DOK6: variants seen among roughly 807,000 people sequenced by gnomAD.
The protein encoded by DOK6 is downstream of tyrosine kinase 6.
Under a neutral mutation model 44.0 loss-of-function variants are expected in DOK6, and 22 were observed. That is an observed-to-expected ratio of 0.50 (90% CI 0.36 to 0.71). The LOEUF (loss-of-function observed/expected upper bound fraction) is 0.71. DOK6 is among the 30% of genes least tolerant of loss of function. The pLI is 0.00. For synonymous variants in DOK6, 166 were observed against 145.5 expected, an observed-to-expected ratio of 1.14 and a Z score of -1.01; for missense variants, 340 against 416.4, an observed-to-expected ratio of 0.82 and a Z score of 1.60.
intron 7 of DOK6, among the ~76,000 whole-genome samples, chr18:69,776,508 G>A (rs1471453321): frequency 6.6e-6 from 1 of 152,048 alleles, no homozygotes; most frequent in African/African-American, 2.4e-5. Context: ...TAAGTTGGTA[G>A]AGAAAATTTT....
chr18:69,693,564 T>C (rs558951569), intron 4 of DOK6, among the ~76,000 whole-genome samples: 15 of 152,220 alleles, frequency 9.9e-5, no homozygotes, highest in African/African-American at 3.6e-4. Context: ...TTAAACATAG[T>C]TTTCCATCTG....
At position 69,506,816 on chromosome 18, in the gene DOK6, A is replaced by G. The variant is rs938798870; in HGVS notation, c.67-57671A>G. Reference sequence around the variant, plus strand: ...CATTCAGTATTATAAAAACTGCTAAAGTTTTCCTAAATGATGGCAACATTT... The same window carrying G: ...CATTCAGTATTATAAAAACTGCTAAGGTTTTCCTAAATGATGGCAACATTT... On this transcript the variant is annotated intron_variant, in intron 1 of 7. Coordinates refer to ENST00000382713, the MANE Select transcript of DOK6 (RefSeq NM_152721.6). 7.2e-5 allele frequency among the ~76,000 whole-genome samples: 11 copies of G among 151,976 alleles called. 1 individual carries two copies. The highest frequency in any genetic ancestry group is 1.3e-4 in the Admixed American group (2 of 15,262).
chr18:69,685,445 G>C (rs373097934), intron 4 of DOK6, among the ~76,000 whole-genome samples: 2 of 152,148 alleles, frequency 1.3e-5, no homozygotes, highest in South Asian at 2.1e-4. Flanking sequence ...GAGGATTGTT[G>C]TGAGGACTAA....
At chr18:69,619,222 T>C (rs750863903) in intron 3 of DOK6, among the ~76,000 whole-genome samples, 15 of 152,218 alleles carry the variant, frequency 9.9e-5, no homozygotes, top group Non-Finnish European at 1.9e-4. Context: ...GCTGTGACTG[T>C]GGACCAGGAG....
At chr18:69,731,363 G>GA (rs1978395744) in intron 5 of DOK6, among the ~76,000 whole-genome samples, 1 of 152,112 alleles carries the variant, frequency 6.6e-6, no homozygotes, top group Non-Finnish European at 1.5e-5. Context: ...GGTTATCTCT[G>GA]AAAATCTAAA....
chr18:69,830,144 C>T (rs763790455), intron 7 of DOK6, among the ~76,000 whole-genome samples: 1 of 151,954 alleles, frequency 6.6e-6, no homozygotes, highest in Non-Finnish European at 1.5e-5. Context: ...AAATTATGTA[C>T]ATTAATTATG....
chr18:69,540,164 A>G (rs2144580424), intron 1 of DOK6, among the ~76,000 whole-genome samples: 1 of 152,310 alleles, frequency 6.6e-6, no homozygotes, highest in South Asian at 2.1e-4. Context: ...TGGGGATTAC[A>G]GTTCAAGATG....
chr18:69,612,399 T>TGGTGTGCGAGGGCGCA (rs546114466), intron 3 of DOK6, among the ~76,000 whole-genome samples: 1 of 62,414 alleles, frequency 1.6e-5, no homozygotes, highest in Non-Finnish European at 3.9e-5. Flanking sequence ...CGAAGAGACT[T>TGGTGTGCGAGGGCGCA]TGTGTGCGAG....
At chr18:69,756,852 A>G (rs1979370692) in intron 6 of DOK6, among the ~76,000 whole-genome samples, 1 of 152,248 alleles carries the variant, frequency 6.6e-6, no homozygotes, top group Non-Finnish European at 1.5e-5. Flanking sequence ...CAGGCATTAC[A>G]TAAAGAGAAA....
intron 1 of DOK6, among the ~76,000 whole-genome samples, chr18:69,504,961 C>A (rs1326215633): frequency 6.6e-6 from 1 of 152,170 alleles, no homozygotes; most frequent in African/African-American, 2.4e-5. Flanking sequence ...TCTTCTCCTT[C>A]TTTACTTATA....
chr18:69,416,974 T>C (rs1461938232), intron 1 of DOK6, among the ~76,000 whole-genome samples: 36 of 152,320 alleles, frequency 2.4e-4, no homozygotes, highest in Non-Finnish European at 1.5e-5. Flanking sequence ...TCCATATTTA[T>C]GGAATACATG....
intron 7 of DOK6, among the ~76,000 whole-genome samples, chr18:69,778,963 G>A (rs531883529): frequency 1.3e-4 from 20 of 152,070 alleles, no homozygotes; most frequent in South Asian, 4.2e-4. Flanking sequence ...GAATTTTACC[G>A]GCTCACTTCT....
At chr18:69,594,141 C>T (rs532487078) in intron 2 of DOK6, among the ~76,000 whole-genome samples, 9 of 151,726 alleles carry the variant, frequency 5.9e-5, no homozygotes, top group Admixed American at 1.3e-4. Flanking sequence ...ATATTTCTCT[C>T]CAGGGTATTA....
intron 7 of DOK6, among the ~76,000 whole-genome samples, chr18:69,787,080 G>C (rs1344781559): frequency 6.6e-6 from 1 of 152,158 alleles, no homozygotes; most frequent in East Asian, 1.9e-4. Context: ...GCCAGGCGTG[G>C]TGGTGCATGC....
At chr18:69,781,569 A>G (rs184253609) in intron 7 of DOK6, 36 of 152,194 alleles carry the variant, frequency 2.4e-4, no homozygotes, top group African/African-American at 8.4e-4. Flanking sequence ...GTACTCTATT[A>G]CTAACCGTTT....
intron 2 of DOK6, among the ~76,000 whole-genome samples, chr18:69,598,931 T>C (rs1983809444): frequency 6.6e-6 from 1 of 152,122 alleles, no homozygotes; most frequent in African/African-American, 2.4e-5. Flanking sequence ...ATGGACTTGC[T>C]TTCCAGTCAC....
At chr18:69,798,390 G>T (rs1414862817) in intron 7 of DOK6, among the ~76,000 whole-genome samples, 1 of 152,040 alleles carries the variant, frequency 6.6e-6, no homozygotes, top group Admixed American at 6.6e-5. Flanking sequence ...GATTGTAAGA[G>T]TTACAAACGC....
intron 7 of DOK6, among the ~76,000 whole-genome samples, chr18:69,806,396 G>A (rs1981053678): frequency 6.6e-6 from 1 of 151,812 alleles, no homozygotes; most frequent in Admixed American, 6.6e-5. Context: ...AATGTAAAAG[G>A]TTAAACACTC....
At chr18:69,618,546 T>G (rs1413072705) in intron 3 of DOK6, 3 of 160,774 alleles carry the variant, frequency 1.9e-5, no homozygotes, top group Non-Finnish European at 4.0e-5. Context: ...GGACTCACGG[T>G]TCCACGTGGC....
Sources: gnomAD v4.1 joint callset for allele counts (sites outside exome capture counted in the v4.1 genomes callset) on GRCh38, gnomAD v4.1.1 for gene constraint, MANE v1.5 for transcripts, NCBI Gene and HGNC (gene_info 2026-07-23, HGNC 2026-07-21) for gene names.